The following TBC1D20 variants were observed in gnomAD, a reference collection of about 807,000 sequenced individuals.
The protein encoded by TBC1D20 is chromosome 20 open reading frame 140.
In TBC1D20, 12 loss-of-function variants were observed where a neutral mutation model predicts 41.6. The ratio of observed to expected loss-of-function variants is 0.29; its 90% CI spans 0.18 to 0.47. The LOEUF (loss-of-function observed/expected upper bound fraction) is 0.47. Among genes scored for constraint, TBC1D20 ranks in the 20% least tolerant of loss-of-function variants. The pLI, the probability that TBC1D20 is intolerant of heterozygous loss-of-function variation, is 1.00. For synonymous variants in TBC1D20, 205 were observed against 204.8 expected (o/e 1.00, Z -0.01); for missense variants, 421 against 517.4 (o/e 0.81, Z 1.81).
chr20:461,933 T>C (rs2017638242), intron 1 of TBC1D20, among the ~76,000 whole-genome samples: 1 of 152,196 alleles, frequency 6.6e-6, no homozygotes, highest in Non-Finnish European at 1.5e-5. Context: ...GTGAATGCAG[T>C]TCGGGAGAGC....
chr20:450,685 T>C (rs912321092), intron 1 of TBC1D20: 3 of 152,222 alleles, frequency 2.0e-5, no homozygotes, highest in Admixed American at 6.5e-5. Flanking sequence ...AGTGGTGCTA[T>C]TTACAACTCA....
Position 439,242 on chromosome 20 carries a change from C to G in TBC1D20, c.822G>C (p.Ser274=). 1 of 1,613,986 alleles carries G rather than the reference C, an allele frequency of 6.2e-7. No individual in the cohort carries two copies. The change falls in exon 7 of 8, where the codon TCG becomes TCC. Residue 274 remains serine (S), a synonymous_variant. Transcript: ENST00000354200. This position sits in a 1 kb window ranked among gnomAD's most constrained non-coding sequence, Gnocchi z 4.6. ...GGATCTGGGACAACAGGTGGTGGAC[C>G]GAGGCCATGTCACAGTCACAGTCCA... ...EVLDCDCDMA[S]VHHLLSQIPQ...
At chr20:458,012 G>A (rs895817857) in intron 1 of TBC1D20, among the ~76,000 whole-genome samples, 6 of 152,140 alleles carry the variant, frequency 3.9e-5, no homozygotes, top group Non-Finnish European at 8.8e-5. Flanking sequence ...CACTTGAGTG[G>A]CAATACTGAA....
intron 4 of TBC1D20, 41 bp from the exon 5 acceptor site, chr20:441,730 T>A: frequency 1.2e-6 from 2 of 1,605,762 alleles, no homozygotes; most frequent in South Asian, 1.1e-5. Context: ...ACCAAACACT[T>A]AGATCAGGGC....
At chr20:441,457 C>G (rs1346025260) in intron 5 of TBC1D20, 131 bp downstream of exon 5, 4 of 760,708 alleles carry the variant, frequency 5.3e-6, no homozygotes, top group Non-Finnish European at 8.9e-6. Context: ...GTGACTGGAA[C>G]AACTGGGGAG....
chr20:437,562 A>G lies in TBC1D20; in HGVS notation c.*1024T>C, dbSNP rs1157935701. 6.6e-6 allele frequency: 1 copy of G among 152,398 alleles called. No homozygotes were observed. Among genetic ancestry groups the G allele is most frequent in the East Asian group, 1.9e-4 (1 of 5,198 alleles). 9.4% of individuals were successfully genotyped at this position (152,398 alleles called of 1,614,324 possible). On this transcript the variant is annotated 3_prime_UTR_variant, in exon 8 of 8. Coordinates refer to ENST00000354200, the MANE Select transcript of TBC1D20 (RefSeq NM_144628.4). Reference sequence around the variant, plus strand: ...AGACCAGCAGTTGACGAGTCAAGTCAGACCCAAAAAACGACGCCAAGGTAG... The same window carrying G: ...AGACCAGCAGTTGACGAGTCAAGTCGGACCCAAAAAACGACGCCAAGGTAG...
In TBC1D20 at chr20:438,719, G is replaced by A; in HGVS notation, c.1079C>T (p.Thr360Ile). 1 of 1,614,198 alleles carries A rather than the reference G, an allele frequency of 6.2e-7. No individual in the cohort carries two copies. The highest frequency in any genetic ancestry group is 8.5e-7 in the Non-Finnish European group (1 of 1,180,036). Reference protein sequence around the residue: ...RPEDRTKDVLTKPRTNRFVKL... With the variant: ...RPEDRTKDVLIKPRTNRFVKL... The stretch of plus-strand genomic sequence containing the variant: ...CACAAAGCGGTTGGTCCTTGGCTTG[G>A]TCAGGACATCTTTTGTTCGATCTTC... The change falls in exon 8 of 8, where the codon ACC becomes ATC. Residue 360 changes from threonine to isoleucine, a missense_variant. Around this residue, in one of 3 missense-constraint regions of TBC1D20, gnomAD observed 161 missense variants for 182.7 expected, o/e 0.88. Coordinates refer to ENST00000354200, the MANE Select transcript of TBC1D20 (RefSeq NM_144628.4).
intron 1 of TBC1D20, among the ~76,000 whole-genome samples, chr20:461,794 C>T (rs2044678486): frequency 6.6e-6 from 1 of 152,256 alleles, no homozygotes; most frequent in African/African-American, 2.4e-5. Flanking sequence ...GTTTTGGAAT[C>T]AGACAGCGGC....
chr20:448,184 G>C lies in TBC1D20; in HGVS notation c.71-110C>G. ...AGGTACAGGTAAGTATCTCCTCTTAGCTCTAAGACTGCCTGCTGGCATAAA... is the reference window on the plus strand; with the variant it reads ...AGGTACAGGTAAGTATCTCCTCTTACCTCTAAGACTGCCTGCTGGCATAAA... On this transcript the variant is annotated intron_variant, in intron 1 of 7. Coordinates refer to ENST00000354200, the MANE Select transcript of TBC1D20 (RefSeq NM_144628.4). The C allele has an allele frequency of 5.9e-6, 4 of 681,348 alleles. No individual in the cohort carries two copies. In the East Asian group the frequency reaches 7.9e-5, roughly 13 times the overall value. 42.2% of individuals were successfully genotyped at this position (681,348 alleles called of 1,614,324 possible).
At chr20:450,990 T>C (rs543155994) in intron 1 of TBC1D20, among the ~76,000 whole-genome samples, 6 of 152,186 alleles carry the variant, frequency 3.9e-5, no homozygotes, top group Non-Finnish European at 8.8e-5. Context: ...TTCTTTCTAG[T>C]TGCCAGTACC....
rs1268561515 is a variant in TBC1D20 at position 438,065 on chromosome 20, G to A, written c.*521C>T. 1 of 154,424 alleles carries A rather than the reference G, an allele frequency of 6.5e-6. No homozygotes were observed. The highest frequency in any genetic ancestry group is 1.4e-5 in the Non-Finnish European group (1 of 69,416). 9.6% of individuals were successfully genotyped at this position (154,424 alleles called of 1,614,324 possible). On this transcript the variant is annotated 3_prime_UTR_variant, in exon 8 of 8. Transcript: ENST00000354200. ...CTCTGATTTCTGATCAGCTGATGGA[G>A]CTGCTAGTAAGAGGGGCCGATCATG...
Position 445,030 on chromosome 20 carries a change from G to C in TBC1D20, c.337+20C>G. 1 of 1,590,528 alleles carries C rather than the reference G, an allele frequency of 6.3e-7. No homozygotes were observed. Among genetic ancestry groups the C allele is most frequent in the Non-Finnish European group, 8.6e-7 (1 of 1,164,642 alleles). ...AGATACAGTCTTTCCAAATGTGGCA[G>C]GACCGGGAGAGCTTCTCACCAGGAG... On this transcript the variant is annotated intron_variant, in intron 3 of 7. Transcript: ENST00000354200.
chr20:438,850 G>A lies in TBC1D20; in HGVS notation c.957-9C>T. Reference sequence around the variant, plus strand: ...AAGTAGAGGCTGCCGTCCTGCAGGGGAAAGAGACGGAAGGAAGGAAGTGGT... The same window carrying A: ...AAGTAGAGGCTGCCGTCCTGCAGGGAAAAGAGACGGAAGGAAGGAAGTGGT... On this transcript the variant is annotated splice_polypyrimidine_tract_variant and intron_variant, in intron 7 of 7. Transcript: ENST00000354200. 1.2e-6 allele frequency: 2 copies of A among 1,610,784 alleles called. No individual in the cohort carries two copies. The highest frequency in any genetic ancestry group is 1.7e-6 in the Non-Finnish European group (2 of 1,177,448).
intron 1 of TBC1D20, among the ~76,000 whole-genome samples, chr20:450,068 G>A (rs1327768466): frequency 6.6e-6 from 1 of 151,696 alleles, no homozygotes; most frequent in African/African-American, 2.4e-5. Flanking sequence ...ACCAAAACTC[G>A]ATACTACATT....
chr20:449,375 T>C (rs1289357570), intron 1 of TBC1D20, among the ~76,000 whole-genome samples: 1 of 145,942 alleles, frequency 6.9e-6, no homozygotes, highest in Non-Finnish European at 1.5e-5. Flanking sequence ...AGTGGGCAGA[T>C]AATGAGGTCA....
rs766278702 is a variant in TBC1D20, at chr20:439,285, T to C, written c.779A>G (p.Tyr260Cys). 6.2e-7 allele frequency: 1 copy of C among 1,608,724 alleles called. No individual in the cohort carries two copies. The highest frequency in any genetic ancestry group is 1.7e-5 in the Admixed American group (1 of 58,934). ...ACAGTCCAGGACTTCCTGCTCGCGA[T>C]ACAACACAATCTGTGGGGAGGTAGT... ...PIYFAAVIVLYREQEVLDCDC... is the reference protein window; with the variant it reads ...PIYFAAVIVLCREQEVLDCDC... The change falls in exon 7 of 8, where the codon TAT becomes TGT. Residue 260 changes from tyrosine to cysteine, a missense_variant. Physicochemically the swap from Tyr to Cys is radical, Grantham distance 194 (BLOSUM62 -2). Around this residue, in one of 3 missense-constraint regions of TBC1D20, gnomAD observed 161 missense variants for 182.7 expected, o/e 0.88. Coordinates refer to ENST00000354200, the MANE Select transcript of TBC1D20 (RefSeq NM_144628.4). The surrounding 1 kb of genome is among the most constrained non-coding windows in gnomAD (Gnocchi z 4.6).
intron 1 of TBC1D20, among the ~76,000 whole-genome samples, chr20:448,417 G>A (rs1183920199): frequency 6.6e-6 from 1 of 152,176 alleles, no homozygotes; most frequent in Non-Finnish European, 1.5e-5. Flanking sequence ...TCGGCTGGGT[G>A]TGGTGGCTCA....
chr20:461,368 CTTA>C (rs1244407222), intron 1 of TBC1D20, among the ~76,000 whole-genome samples: 4 of 152,182 alleles, frequency 2.6e-5, no homozygotes, highest in East Asian at 3.9e-4. Flanking sequence ...CAATTATTTA[CTTA>C]TTATTATTAT....
intron 1 of TBC1D20, among the ~76,000 whole-genome samples, chr20:458,574 A>C (rs1158258790): frequency 1.3e-5 from 2 of 152,034 alleles, no homozygotes; most frequent in East Asian, 3.9e-4. Context: ...CGACCTCCCA[A>C]AGTGCTGGGA....
Sources: allele counts gnomAD v4.1 joint callset (sites outside exome capture counted in the v4.1 genomes callset), GRCh38; gene constraint gnomAD v4.1.1; regional missense constraint gnomAD v4.1.1; non-coding constraint Gnocchi (gnomAD v3.1); transcripts MANE v1.5; gene names NCBI Gene and HGNC (gene_info 2026-07-23, HGNC 2026-07-21).